EVC: variants seen among roughly 807,000 people sequenced by gnomAD.
EVC encodes EvC ciliary complex subunit 1, also known as evC complex member EVC.
In EVC, 116 loss-of-function variants were observed where a neutral mutation model predicts 118.9. That is an observed-to-expected ratio of 0.98 (90% CI 0.84 to 1.14). The LOEUF (loss-of-function observed/expected upper bound fraction) is 1.14. Ranked by LOEUF, EVC falls within the 50% of genes most tolerant of loss-of-function variation. The pLI, the probability that EVC is intolerant of heterozygous loss-of-function variation, is 0.00. For synonymous variants in EVC, 619 were observed against 534.7 expected (o/e 1.16, Z -2.18); for missense variants, 1,401 against 1,246.4 (o/e 1.12, Z -1.87).
chr4:5,807,388 A>G (rs1716091425), intron 17 of EVC, among the ~76,000 whole-genome samples: 1 of 152,078 alleles, frequency 6.6e-6, no homozygotes, highest in South Asian at 2.1e-4. Context: ...GCAGGGTGGC[A>G]TTTTCACACC....
chr4:5,748,718 A>AT (rs1729849174), intron 8 of EVC, among the ~76,000 whole-genome samples: 1 of 41,728 alleles, frequency 2.4e-5, no homozygotes, highest in Non-Finnish European at 5.1e-5. Context: ...CCATCCACCC[A>AT]CCCACCCATC....
intron 18 of EVC, 26 bp downstream of exon 18, chr4:5,808,353 C>G (rs1560445903): frequency 6.2e-7 from 1 of 1,614,092 alleles, no homozygotes; most frequent in East Asian, 2.2e-5. Flanking sequence ...CTGGACCTTC[C>G]AAAAGCAGTG....
chr4:5,750,704 G>T (rs1577430321), intron 8 of EVC, among the ~76,000 whole-genome samples: 2 of 152,288 alleles, frequency 1.3e-5, no homozygotes, highest in East Asian at 3.9e-4. Context: ...GCAGAGCCCG[G>T]CACGTAGGAA....
At chr4:5,809,743 C>T in intron 19 of EVC, 132 bp downstream of exon 19, 1 of 839,598 alleles carries the variant, frequency 1.2e-6, no homozygotes, top group African/African-American at 1.7e-5. Flanking sequence ...CTTTTGTGAC[C>T]TTGTCTGTAA....
chr4:5,718,063 G>A (rs1724279651), intron 1 of EVC, among the ~76,000 whole-genome samples: 1 of 152,184 alleles, frequency 6.6e-6, no homozygotes, highest in Non-Finnish European at 1.5e-5. Context: ...TTATATTCAT[G>A]AGCAGGTAGT....
intron 11 of EVC, among the ~76,000 whole-genome samples, chr4:5,764,657 C>G (rs1392119711): frequency 1.4e-5 from 2 of 144,418 alleles, no homozygotes; most frequent in African/African-American, 5.0e-5. Context: ...AGGAATTTAT[C>G]CATTTCTTCT....
intron 11 of EVC, among the ~76,000 whole-genome samples, chr4:5,766,447 G>T (rs879566100): frequency 0.07 from 8,809 of 125,098 alleles, 476 homozygotes; most frequent in South Asian, 0.11. Context: ...CTGAATGTTG[G>T]CCTGCCTTGC....
intron 2 of EVC, among the ~76,000 whole-genome samples, chr4:5,728,315 A>T (rs555413778): frequency 7.2e-5 from 11 of 151,758 alleles, no homozygotes; most frequent in Admixed American, 2.0e-4. Context: ...ATTCCTAGGT[A>T]TTTTATTCTC....
rs117475460 is a variant in EVC, at chr4:5,771,419, T to C, written c.1564-12133T>C. Among the ~76,000 whole-genome samples the C allele has an allele frequency of 1.3e-4, 20 of 152,242 alleles. No homozygotes were observed. The East Asian group carries it at 2.3e-3, about 18-fold the overall frequency. ...CACTTATAAGAACCCTGTGATGACA[T>C]TGGAGCCAACAGTGTCATCCAGGAT... On this transcript the variant is annotated intron_variant, in intron 11 of 20. Transcript: ENST00000264956.
At chr4:5,780,935 G>A (rs1415713965) in intron 11 of EVC, among the ~76,000 whole-genome samples, 1 of 152,240 alleles carries the variant, frequency 6.6e-6, no homozygotes, top group African/African-American at 2.4e-5. Context: ...GAGTCACACA[G>A]GATGCACTTA....
In EVC at chr4:5,813,382, T is replaced by A. The variant is rs1577680565; in HGVS notation, c.*2345T>A. 1.3e-5 allele frequency: 2 copies of A among 152,234 alleles called. No homozygotes were observed. Among genetic ancestry groups the A allele is most frequent in the East Asian group, 3.9e-4 (2 of 5,158 alleles). 9.4% of individuals were successfully genotyped at this position (152,234 alleles called of 1,614,324 possible). Reference sequence around the variant, plus strand: ...ACGCCTGGCTAAATCTTTTTTGTATTTTATTTTAGTAGAGACGGGGTTTCA... The same window carrying A: ...ACGCCTGGCTAAATCTTTTTTGTATATTATTTTAGTAGAGACGGGGTTTCA... On this transcript the variant is annotated 3_prime_UTR_variant, in exon 21 of 21. Transcript: ENST00000264956.
intron 11 of EVC, among the ~76,000 whole-genome samples, chr4:5,768,513 C>G (rs1313550865): frequency 6.6e-6 from 1 of 152,102 alleles, no homozygotes; most frequent in African/African-American, 2.4e-5. Context: ...TTTAAATAAT[C>G]TCACGTGGGT....
intron 11 of EVC, among the ~76,000 whole-genome samples, chr4:5,762,632 T>G (rs947549775): frequency 4.0e-5 from 6 of 150,182 alleles, no homozygotes; most frequent in Non-Finnish European, 5.9e-5. Context: ...TGGTTTTGAT[T>G]TGCATTTCTC....
chr4:5,802,400 C>T (rs1715170202), intron 16 of EVC, among the ~76,000 whole-genome samples: 1 of 152,132 alleles, frequency 6.6e-6, no homozygotes, highest in Admixed American at 6.5e-5. Flanking sequence ...CCAGCCTTTT[C>T]AGCACCAGGG....
At chr4:5,712,776 C>G (rs148195071) in intron 1 of EVC, among the ~76,000 whole-genome samples, 2 of 152,142 alleles carry the variant, frequency 1.3e-5, no homozygotes, top group African/African-American at 4.8e-5. Context: ...TCAGATCCTG[C>G]TGGTGATTAA....
In EVC at chr4:5,768,574, C is replaced by T. The variant is rs186385297; in HGVS notation, c.1563+12212C>T. On this transcript the variant is annotated intron_variant, in intron 11 of 20. Transcript: ENST00000264956. ...CACACTGATACTCAAAATGTATTCT[C>T]GGCTGGGCACAGTGGCTCACACCTG... Among the ~76,000 whole-genome samples the T allele has an allele frequency of 3.4e-3, 517 of 152,170 alleles. 4 individuals carry two copies. Among genetic ancestry groups the T allele is most frequent in the Non-Finnish European group, 5.7e-3 (386 of 67,998 alleles).
At chr4:5,725,040 T>C (rs1329210530) in intron 2 of EVC, among the ~76,000 whole-genome samples, 1 of 152,234 alleles carries the variant, frequency 6.6e-6, no homozygotes, top group African/African-American at 2.4e-5. Context: ...TCTATGCCCC[T>C]GTAAAGGACA....
intron 12 of EVC, among the ~76,000 whole-genome samples, chr4:5,785,793 A>G (rs1420226610): frequency 2.6e-5 from 4 of 152,236 alleles, no homozygotes; most frequent in Non-Finnish European, 5.9e-5. Flanking sequence ...GGAAATGATT[A>G]CAGTGTTGCC....
chr4:5,731,384 G>A lies in EVC; in HGVS notation c.385-41G>A. On this transcript the variant is annotated intron_variant, in intron 3 of 20. Transcript: ENST00000264956. The surrounding 1 kb of genome is among the most constrained non-coding windows in gnomAD (Gnocchi z 5.6). Reference sequence around the variant, plus strand: ...TATGAATACTAGATCAAATCCCAGAGGCATCACATGGACTGAGTGTGACTC... The same window carrying A: ...TATGAATACTAGATCAAATCCCAGAAGCATCACATGGACTGAGTGTGACTC... 1 of 1,438,580 alleles carries A rather than the reference G, an allele frequency of 7.0e-7. No homozygotes were observed. Among genetic ancestry groups the A allele is most frequent in the Non-Finnish European group, 9.8e-7 (1 of 1,020,310 alleles). The allele number at this position is 1,438,580 out of a possible 1,614,324, so 89.1% of individuals were successfully genotyped here.
Sources: gnomAD v4.1 joint callset for allele counts (sites outside exome capture counted in the v4.1 genomes callset) on GRCh38, gnomAD v4.1.1 for gene constraint, Gnocchi (gnomAD v3.1) non-coding constraint, MANE v1.5 for transcripts, NCBI Gene and HGNC (gene_info 2026-07-23, HGNC 2026-07-21) for gene names.